PPM1K: variants seen among roughly 807,000 people sequenced by gnomAD.
PPM1K encodes the protein protein phosphatase Mn(2+)-dependent 1K.
Under a neutral mutation model 32.6 loss-of-function variants are expected in PPM1K, and 19 were observed. The ratio of observed to expected loss-of-function variants is 0.58; its 90% CI spans 0.41 to 0.86. The LOEUF is 0.86. Among genes scored for constraint, PPM1K ranks in the 40% least tolerant of loss-of-function variants. The pLI is 0.00. For synonymous variants in PPM1K, 159 were observed against 165.3 expected (o/e 0.96, Z 0.29); for missense variants, 362 against 461.2 (o/e 0.78, Z 1.97).
chr4:88,277,261 A>G lies in PPM1K; in HGVS notation c.441-18T>C, dbSNP rs761709176. On this transcript the variant is annotated intron_variant, in intron 2 of 6. Transcript: ENST00000608933. ...GCAAATCCCTTTGTGGGGAGGAAAA[A>G]AAGAGCCTTAAACAATCATTTTACA... The G allele has an allele frequency of 1.5e-4, 224 of 1,524,620 alleles. No homozygotes were observed. Among genetic ancestry groups the G allele is most frequent in the Non-Finnish European group, 2.0e-4 (219 of 1,098,924 alleles). 94.4% of individuals were successfully genotyped at this position (1,524,620 alleles called of 1,614,324 possible). A position where few individuals can be genotyped will look rare whatever the true frequency, so the allele number is the denominator to read the frequency against.
chr4:88,262,752 G>T (rs772179468), intron 6 of PPM1K, 26 bp from the exon 7 acceptor site: 1 of 1,581,790 alleles, frequency 6.3e-7, no homozygotes, highest in Non-Finnish European at 8.6e-7. Flanking sequence ...GGAAGAAAGA[G>T]AAAAACATTG....
chr4:88,278,048 T>C lies in PPM1K; in HGVS notation c.440+96A>G. 1 of 977,722 alleles carries C rather than the reference T, an allele frequency of 1.0e-6. No individual in the cohort carries two copies. The highest frequency in any genetic ancestry group is 1.7e-5 in the South Asian group (1 of 60,396). 60.6% of individuals were successfully genotyped at this position (977,722 alleles called of 1,614,324 possible). A position where few individuals can be genotyped will look rare whatever the true frequency, so the allele number is the denominator to read the frequency against. On this transcript the variant is annotated intron_variant, in intron 2 of 6. Coordinates refer to ENST00000608933, the MANE Select transcript of PPM1K (RefSeq NM_152542.5). The surrounding 1 kb of genome is among the most constrained non-coding windows in gnomAD (Gnocchi z 4.2). ...AAGCAGCAGCATGCAACCACTCAAGTAACTATGTTTACGCTGGAAGCCTCA... is the reference window on the plus strand; with the variant it reads ...AAGCAGCAGCATGCAACCACTCAAGCAACTATGTTTACGCTGGAAGCCTCA...
intron 3 of PPM1K, among the ~76,000 whole-genome samples, chr4:88,273,759 C>T (rs1030761723): frequency 4.6e-5 from 7 of 151,828 alleles, no homozygotes; most frequent in African/African-American, 1.7e-4. Flanking sequence ...TTTTCTTTGT[C>T]ACCATGTGTA....
rs1197844031 is a variant in PPM1K at position 88,278,641 on chromosome 4, G to A, written c.-58C>T. 6 of 1,393,314 alleles carry A rather than the reference G, an allele frequency of 4.3e-6. No homozygotes were observed. The highest frequency in any genetic ancestry group is 5.9e-6 in the Non-Finnish European group (6 of 1,019,064). 86.3% of individuals were successfully genotyped at this position (1,393,314 alleles called of 1,614,324 possible). On this transcript the variant is annotated splice_region_variant and 5_prime_UTR_variant, in exon 2 of 7. Coordinates refer to ENST00000608933, the MANE Select transcript of PPM1K (RefSeq NM_152542.5). This position sits in a 1 kb window ranked among gnomAD's most constrained non-coding sequence, Gnocchi z 4.2. ...AAGGTCAATGGAACAATAATGGAAT[G>A]TCTTCAAGAAAAATGATGCAAGTCA...
At chr4:88,266,604 G>C (rs542553451) in intron 5 of PPM1K, among the ~76,000 whole-genome samples, 1 of 150,312 alleles carries the variant, frequency 6.7e-6, no homozygotes, top group South Asian at 2.1e-4. Context: ...ACTGGGTGCA[G>C]GTGATGTTGG....
intron 1 of PPM1K, among the ~76,000 whole-genome samples, chr4:88,280,129 T>C (rs1183942503): frequency 6.6e-6 from 1 of 152,202 alleles, no homozygotes; most frequent in Non-Finnish European, 1.5e-5. Flanking sequence ...CTTGTAGATA[T>C]GGGTTCTCAC....
At chr4:88,267,915 G>A (rs1731400796) in intron 5 of PPM1K, among the ~76,000 whole-genome samples, 1 of 152,112 alleles carries the variant, frequency 6.6e-6, no homozygotes, top group Non-Finnish European at 1.5e-5. Flanking sequence ...TTGTTTGTTT[G>A]TTGTTGTTGT....
rs539011072 is a variant in PPM1K at position 88,260,306 on chromosome 4, G to C, written c.*2289C>G. On this transcript the variant is annotated 3_prime_UTR_variant, in exon 7 of 7. Coordinates refer to ENST00000608933, the MANE Select transcript of PPM1K (RefSeq NM_152542.5). Reference sequence around the variant, plus strand: ...GACCTCAGGTGATCCACCTGCCTTGGCCTCCCAAAGTGCTAGGATTACAGG... The same window carrying C: ...GACCTCAGGTGATCCACCTGCCTTGCCCTCCCAAAGTGCTAGGATTACAGG... 1 of 152,178 alleles carries C rather than the reference G, an allele frequency of 6.6e-6. No homozygotes were observed. Among genetic ancestry groups the C allele is most frequent in the Non-Finnish European group, 1.5e-5 (1 of 68,046 alleles). The allele number at this position is 152,178 out of a possible 1,614,324, so 9.4% of individuals were successfully genotyped here.
intron 6 of PPM1K, among the ~76,000 whole-genome samples, chr4:88,263,420 T>C (rs1731199163): frequency 6.6e-6 from 1 of 152,122 alleles, no homozygotes; most frequent in South Asian, 2.1e-4. Flanking sequence ...TCTAGAACAT[T>C]GTGTATTCTT....
chr4:88,266,097 A>G (rs926115542), intron 5 of PPM1K, among the ~76,000 whole-genome samples: 2 of 152,260 alleles, frequency 1.3e-5, no homozygotes, highest in African/African-American at 4.8e-5. Context: ...TGGGATATCT[A>G]TAACACACGA....
chr4:88,272,922 T>C (rs1459231902), intron 3 of PPM1K, among the ~76,000 whole-genome samples: 1 of 152,230 alleles, frequency 6.6e-6, no homozygotes, highest in East Asian at 1.9e-4. Flanking sequence ...GCGTCTGTGG[T>C]TGGCATCGTC....
chr4:88,278,518 C>T lies in PPM1K; in HGVS notation c.66G>A (p.Leu22=), dbSNP rs1731887392. Residue 22 remains leucine, a synonymous_variant, in exon 2 of 7, where the codon CTG becomes CTA. Coordinates refer to ENST00000608933, the MANE Select transcript of PPM1K (RefSeq NM_152542.5). The surrounding 1 kb of genome is among the most constrained non-coding windows in gnomAD (Gnocchi z 4.2). ...CGTCCTGCAGCAGGCGGGAGCTTAG[C>T]AGCACTCTCCTTCTCACCTGGTTCC... is the stretch of plus-strand genomic sequence containing the variant. The part of the protein sequence containing the change: ...SGGNQVRRRV[L]LSSRLLQDDR... The T allele has an allele frequency of 5.6e-6, 9 of 1,614,022 alleles. No homozygotes were observed. The highest frequency in any genetic ancestry group is 1.7e-5 in the Admixed American group (1 of 60,008).
intron 1 of PPM1K, among the ~76,000 whole-genome samples, chr4:88,281,968 AG>A (rs1732030631): frequency 6.6e-6 from 1 of 152,192 alleles, no homozygotes; most frequent in East Asian, 1.9e-4. Context: ...AAAAACCTTA[AG>A]GAAAAAAAAA....
chr4:88,265,281 A>C, intron 5 of PPM1K, 146 bp from the exon 6 acceptor site: 1 of 848,018 alleles, frequency 1.2e-6, no homozygotes, highest in Non-Finnish European at 1.8e-6. Context: ...TCCCCACCCA[A>C]ATCTCATATT....
At chr4:88,276,590 T>A (rs747220985) in intron 3 of PPM1K, 300 of 985,286 alleles carry the variant, frequency 3.0e-4, no homozygotes, top group Non-Finnish European at 3.6e-4. Flanking sequence ...AGAGAAAAGC[T>A]GCAAGATTGA....
chr4:88,268,948 C>A lies in PPM1K; in HGVS notation c.542-42G>T. ...AAAAAGAGTACAAGTTAGTGACAGTCAAATGATTGGATATGGAATTTTTAT... is the reference window on the plus strand; with the variant it reads ...AAAAAGAGTACAAGTTAGTGACAGTAAAATGATTGGATATGGAATTTTTAT... On this transcript the variant is annotated intron_variant, in intron 3 of 6. Transcript: ENST00000608933. 2.7e-6 allele frequency: 4 copies of A among 1,499,232 alleles called. No individual in the cohort carries two copies. The South Asian group carries it at 4.9e-5, about 18-fold the overall frequency. 92.9% of individuals were successfully genotyped at this position (1,499,232 alleles called of 1,614,324 possible). A position where few individuals can be genotyped will look rare whatever the true frequency, so the allele number is the denominator to read the frequency against.
Position 88,268,216 on chromosome 4 carries a change from C to G in PPM1K, c.826G>C (p.Ala276Pro), listed in dbSNP as rs898304410. 2 of 1,614,016 alleles carry G rather than the reference C, an allele frequency of 1.2e-6. No homozygotes were observed. Among genetic ancestry groups the G allele is most frequent in the Non-Finnish European group, 1.7e-6 (2 of 1,180,010 alleles). Residue 276 changes from alanine to proline, a missense_variant, in exon 5 of 7, where the codon GCA becomes CCA. By Grantham distance (27) the Ala-to-Pro change is conservative. Transcript: ENST00000608933. ...DLDLKTSGVIAEPETKRIKLH... is the reference protein window; with the variant it reads ...DLDLKTSGVIPEPETKRIKLH... ...TTAATCCTCTTAGTTTCAGGTTCTG[C>G]TATGACACCACTGGTCTTAAGGTCC...
chr4:88,275,360 G>A (rs1353137868), intron 3 of PPM1K: 1 of 975,112 alleles, frequency 1.0e-6, no homozygotes, highest in Admixed American at 6.2e-5. Context: ...TAATGTTTTT[G>A]TGACAAAGGT....
chr4:88,263,989 A>G (rs778283736), intron 6 of PPM1K, among the ~76,000 whole-genome samples: 1 of 152,244 alleles, frequency 6.6e-6, no homozygotes, highest in African/African-American at 2.4e-5. Flanking sequence ...ATTATGTATA[A>G]GAATAAAATG....
Sources: allele counts gnomAD v4.1 joint callset (sites outside exome capture counted in the v4.1 genomes callset), GRCh38; gene constraint gnomAD v4.1.1; non-coding constraint Gnocchi (gnomAD v3.1); transcripts MANE v1.5; gene names NCBI Gene and HGNC (gene_info 2026-07-23, HGNC 2026-07-21).